PCDH9: variants seen among roughly 807,000 people sequenced by gnomAD.
PCDH9 encodes protocadherin-9.
PCDH9 carries 24 observed loss-of-function variants against 70.6 expected under a neutral mutation model. The ratio of observed to expected loss-of-function variants is 0.34; its 90% CI spans 0.25 to 0.48. The LOEUF (loss-of-function observed/expected upper bound fraction) is 0.48, where lower values mean the gene tolerates loss of function less well. PCDH9 is among the 20% of genes least tolerant of loss of function. The probability of loss-of-function intolerance (pLI) is 0.99; values close to 1 mark genes in which losing one functional copy is unlikely to be tolerated. For synonymous variants in PCDH9, 562 were observed against 558.5 expected (o/e 1.01, Z -0.09); for missense variants, 1,281 against 1,503.6 (o/e 0.85, Z 2.45).
chr13:66,654,771 G>A (rs1045803204), intron 3 of PCDH9, among the ~76,000 whole-genome samples: 2 of 152,118 alleles, frequency 1.3e-5, no homozygotes, highest in African/African-American at 4.8e-5. Flanking sequence ...GTGGCATGAC[G>A]ACCTCAGCTC....
intron 3 of PCDH9, among the ~76,000 whole-genome samples, chr13:66,770,476 A>C (rs995835434): frequency 2.0e-4 from 30 of 152,212 alleles, no homozygotes; most frequent in African/African-American, 7.0e-4. Context: ...CTATAAAAAC[A>C]TGCTGGATAT....
chr13:66,927,120 C>A (rs2082728856), intron 2 of PCDH9, among the ~76,000 whole-genome samples: 1 of 151,966 alleles, frequency 6.6e-6, no homozygotes, highest in South Asian at 2.1e-4. Flanking sequence ...CTCTGAATGA[C>A]CAATTTACAG....
At chr13:66,755,613 G>T (rs557612719) in intron 3 of PCDH9, among the ~76,000 whole-genome samples, 2 of 151,866 alleles carry the variant, frequency 1.3e-5, no homozygotes, top group Non-Finnish European at 2.9e-5. Flanking sequence ...GGTGTGGGGT[G>T]GGGGGGCATC....
At chr13:67,024,362 G>A (rs2084738083) in intron 2 of PCDH9, among the ~76,000 whole-genome samples, 1 of 151,994 alleles carries the variant, frequency 6.6e-6, no homozygotes, top group South Asian at 2.1e-4. Flanking sequence ...TCTATGTTGA[G>A]GTGTGCAGTA....
chr13:67,191,454 A>G (rs1249191720), intron 2 of PCDH9, among the ~76,000 whole-genome samples: 2 of 152,070 alleles, frequency 1.3e-5, no homozygotes, highest in Non-Finnish European at 2.9e-5. Context: ...ACATCCCTCT[A>G]TCTTGAATTG....
At position 66,616,073 on chromosome 13, in the gene PCDH9, C is replaced by T. The variant is rs138865612; in HGVS notation, c.3340+15137G>A. 3.2e-3 allele frequency among the ~76,000 whole-genome samples: 488 copies of T among 152,312 alleles called. 1 individual carries two copies. The highest frequency in any genetic ancestry group is 8.6e-3 in the Admixed American group (132 of 15,298). On this transcript the variant is annotated intron_variant, in intron 4 of 4. Coordinates refer to ENST00000377865, the MANE Select transcript of PCDH9 (RefSeq NM_203487.3). ...ATAGAAGCCCAATGGTGAAACAGGC[C>T]TCATACCCTTGTCTATGCAGTCTCT...
At chr13:66,528,287 A>C (rs1960298025) in intron 4 of PCDH9, among the ~76,000 whole-genome samples, 1 of 152,108 alleles carries the variant, frequency 6.6e-6, no homozygotes, top group Non-Finnish European at 1.5e-5. Context: ...TTCGCTTCAC[A>C]GGGGAGTCTT....
intron 2 of PCDH9, chr13:67,224,163 TTATAAACA>T (rs2089793967): frequency 6.6e-6 from 1 of 152,216 alleles, no homozygotes; most frequent in Admixed American, 6.5e-5. Flanking sequence ...TGTTCCTTAT[TTATAAACA>T]AGTACAGATG....
At chr13:67,117,067 G>GA (rs1194834695) in intron 2 of PCDH9, among the ~76,000 whole-genome samples, 4 of 151,754 alleles carry the variant, frequency 2.6e-5, no homozygotes, top group Non-Finnish European at 4.4e-5. Flanking sequence ...TCCAATCAAA[G>GA]AAAAAAACAG....
chr13:66,537,969 T>C (rs1960778461), intron 4 of PCDH9, among the ~76,000 whole-genome samples: 2 of 152,112 alleles, frequency 1.3e-5, no homozygotes, highest in South Asian at 4.2e-4. Flanking sequence ...TCTTTTTATG[T>C]TTTTAAGGCC....
intron 4 of PCDH9, among the ~76,000 whole-genome samples, chr13:66,589,868 T>A (rs1229396535): frequency 1.3e-5 from 2 of 152,214 alleles, no homozygotes; most frequent in African/African-American, 4.8e-5. Context: ...CTGGTGAGAT[T>A]GTGATTGCAG....
intron 2 of PCDH9, among the ~76,000 whole-genome samples, chr13:67,082,193 G>T (rs964843208): frequency 7.9e-5 from 12 of 152,128 alleles, no homozygotes; most frequent in Non-Finnish European, 1.8e-4. Flanking sequence ...AATGTCTACG[G>T]TTTAGTCATA....
chr13:67,183,823 A>G (rs1327382136), intron 2 of PCDH9, among the ~76,000 whole-genome samples: 1 of 152,198 alleles, frequency 6.6e-6, no homozygotes, highest in African/African-American at 2.4e-5. Flanking sequence ...CATGAAATTT[A>G]CATGTGTTAC....
At chr13:67,069,931 G>T (rs998230083) in intron 2 of PCDH9, among the ~76,000 whole-genome samples, 1 of 151,474 alleles carries the variant, frequency 6.6e-6, no homozygotes, top group Non-Finnish European at 1.5e-5. Context: ...TCAAGGAAAA[G>T]ACTAAGAACT....
intron 2 of PCDH9, among the ~76,000 whole-genome samples, chr13:67,163,469 A>G (rs1159416028): frequency 6.6e-6 from 1 of 152,240 alleles, no homozygotes; most frequent in Admixed American, 6.5e-5. Context: ...CTCTGTCATT[A>G]CATTCTATTT....
chr13:66,435,933 C>G (rs1957861553), intron 4 of PCDH9, among the ~76,000 whole-genome samples: 1 of 151,996 alleles, frequency 6.6e-6, no homozygotes, highest in African/African-American at 2.4e-5. Context: ...ATCAGTGATT[C>G]TTCACTCTTC....
At chr13:66,873,348 C>T (rs2139514221) in intron 3 of PCDH9, among the ~76,000 whole-genome samples, 1 of 152,226 alleles carries the variant, frequency 6.6e-6, no homozygotes, top group East Asian at 1.9e-4. Context: ...CTCTCTACTT[C>T]ATCCTACATT....
At chr13:66,343,938 G>T in intron 4 of PCDH9, among the ~76,000 whole-genome samples, 1 of 152,078 alleles carries the variant, frequency 6.6e-6, no homozygotes, top group East Asian at 1.9e-4. Flanking sequence ...ATATTGTTCA[G>T]CTCTCACTCA....
chr13:66,601,862 C>G (rs1021271091), intron 4 of PCDH9, among the ~76,000 whole-genome samples: 1 of 146,076 alleles, frequency 6.8e-6, no homozygotes, highest in Non-Finnish European at 1.5e-5. Context: ...GTAAACAAAA[C>G]TACTGTGCTG....
Sources: allele counts gnomAD v4.1 joint callset (sites outside exome capture counted in the v4.1 genomes callset), GRCh38; gene constraint gnomAD v4.1.1; transcripts MANE v1.5; gene names NCBI Gene and HGNC (gene_info 2026-07-23, HGNC 2026-07-21).